SETD1B: variants seen among roughly 807,000 people sequenced by gnomAD.
The protein encoded by SETD1B is SET domain containing 1B, histone lysine methyltransferase.
Under a neutral mutation model 148.0 loss-of-function variants are expected in SETD1B, and 7 were observed. The observed-to-expected ratio is 0.05, with a 90% CI of 0.03 to 0.09. The LOEUF is 0.09. Ranked by LOEUF, SETD1B falls within the 10% of genes least tolerant of loss-of-function variation. SETD1B has a pLI of 1.00. For missense variants in SETD1B, 2,155 were observed against 2,729.9 expected (o/e 0.79, Z 4.69); for synonymous variants, 1,361 against 1,186.5 (o/e 1.15, Z -3.02).
In SETD1B at chr12:121,823,337, T is replaced by TGGCC; in HGVS notation, c.4758_4759insGGCC (p.Pro1587GlyfsTer22). 1.6e-5 allele frequency: 13 copies of TGGCC among 809,384 alleles called. No individual in the cohort carries two copies. The highest frequency in any genetic ancestry group is 2.1e-5 in the Non-Finnish European group (12 of 560,470). The allele number at this position is 809,384 out of a possible 1,614,324, so 50.1% of individuals were successfully genotyped here. Reference sequence around the variant, plus strand: ...GGATCCCAGCCCCTCCACCACCCCTTCCCCCCCAGCCACCCCCACCCCCAC... The same window carrying TGGCC: ...GGATCCCAGCCCCTCCACCACCCCTTGGCCCCCCCCCAGCCACCCCCACCCCCAC... On this transcript the variant is annotated frameshift_variant, in exon 12 of 17. Transcript: ENST00000604567. LOFTEE classifies it high-confidence loss of function.
intron 6 of SETD1B, among the ~76,000 whole-genome samples, chr12:121,811,377 G>T (rs896988659): frequency 3.3e-5 from 5 of 150,782 alleles, no homozygotes; most frequent in African/African-American, 7.3e-5. Context: ...GACAGGGAGG[G>T]TGCTGGTTTC....
Position 121,810,049 on chromosome 12 carries a change from C to T in SETD1B, c.1104C>T (p.Phe368=), listed in dbSNP as rs766891356. ...CTGGGGGCAGCAGCGGTCCCCCGTTCAAGGCTCAACCACAGGATTCAGCCA... is the reference window on the plus strand; with the variant it reads ...CTGGGGGCAGCAGCGGTCCCCCGTTTAAGGCTCAACCACAGGATTCAGCCA... ...GGTGGSSGPP[F]KAQPQDSATF... is the part of the protein sequence containing the mutation. The change falls in exon 6 of 17, where the codon TTC becomes TTT. Residue 368 remains phenylalanine, a synonymous_variant. Transcript: ENST00000604567. The surrounding 1 kb of genome is among the most constrained non-coding windows in gnomAD (Gnocchi z 7.6). 3 of 1,550,282 alleles carry T rather than the reference C, an allele frequency of 1.9e-6. No homozygotes were observed. In the South Asian group the frequency reaches 3.6e-5, roughly 18 times the overall value.
rs1290385779 is a variant in SETD1B, at chr12:121,825,214, T to C, written c.5185T>C (p.Ser1729Pro). Residue 1729 changes from serine to proline, a missense_variant, in exon 13 of 17, where the codon TCA becomes CCA. Ser to Pro is a moderately conservative substitution (Grantham distance 74). Transcript: ENST00000604567. ...CCCACACCCACCCACCAGCCTCTCT[T>C]CAGCTAAGAAGAAGAAACGGGACGA... ...WVYHPSTSLS[S>P]AKKKKRDDGI... is the part of the protein sequence containing the mutation. 3.9e-5 allele frequency: 60 copies of C among 1,551,384 alleles called. No individual in the cohort carries two copies. Among genetic ancestry groups the C allele is most frequent in the Admixed American group, 5.9e-5 (3 of 50,980 alleles).
the SETD1B span, among the ~76,000 whole-genome samples, chr12:121,790,303 G>A: frequency 6.6e-6 from 1 of 152,212 alleles, no homozygotes; most frequent in Non-Finnish European, 1.5e-5. Context: ...TGCCCCTTCC[G>A]CCACTGTGTG....
the SETD1B span, among the ~76,000 whole-genome samples, chr12:121,794,672 G>C: frequency 6.6e-6 from 1 of 152,128 alleles, no homozygotes; most frequent in Non-Finnish European, 1.5e-5. Flanking sequence ...GTGCTATCAG[G>C]GCTGCTGGCT....
In SETD1B at chr12:121,819,761, T is replaced by A. The variant is rs1876479233; in HGVS notation, c.3776T>A (p.Val1259Asp). The A allele has an allele frequency of 2.6e-6, 4 of 1,551,374 alleles. No individual in the cohort carries two copies. Among genetic ancestry groups the A allele is most frequent in the Non-Finnish European group, 2.6e-6 (3 of 1,146,920 alleles). The change falls in exon 11 of 17, where the codon GTT becomes GAT. Residue 1259 changes from valine (V) to aspartate (D), a missense_variant. This residue lies in a region of SETD1B where 862 missense variants were observed against 873.8 expected (regional missense o/e 0.99). Coordinates refer to ENST00000604567, the MANE Select transcript of SETD1B (RefSeq NM_001353345.2). ...GACGAGCCCCCCTTGCCTGTGGGTG[T>A]TGAAGAGCCAGCGGACTCCAGGGAG... Reference protein sequence around the residue: ...MLDEPPLPVGVEEPADSREPP... With the variant: ...MLDEPPLPVGDEEPADSREPP...
In SETD1B at chr12:121,810,736, G is replaced by A; in HGVS notation, c.1791G>A (p.Glu597=). 1 of 1,551,270 alleles carries A rather than the reference G, an allele frequency of 6.4e-7. No individual in the cohort carries two copies. ...DLGLGPRPPP[E]PGPPDPAGLL... ...GCCTTGGGCCTCGGCCTCCACCTGA[G>A]CCAGGCCCCCCGGACCCTGCTGGGC... is the stretch of plus-strand genomic sequence containing the variant. The change falls in exon 6 of 17, where the codon GAG becomes GAA. Residue 597 remains glutamate, a synonymous_variant. Transcript: ENST00000604567. This position sits in a 1 kb window ranked among gnomAD's most constrained non-coding sequence, Gnocchi z 7.6.
intron 11 of SETD1B, among the ~76,000 whole-genome samples, chr12:121,821,070 C>T (rs142650591): frequency 6.6e-6 from 1 of 152,060 alleles, no homozygotes; most frequent in Non-Finnish European, 1.5e-5. Flanking sequence ...AGAACCAATT[C>T]TCTGTGTGTA....
Position 121,830,301 on chromosome 12 carries a change from CT to C in SETD1B, c.*63del. The C allele has an allele frequency of 5.4e-6, 8 of 1,489,806 alleles. No homozygotes were observed. Among genetic ancestry groups the C allele is most frequent in the Non-Finnish European group, 7.2e-6 (8 of 1,111,238 alleles). 92.3% of individuals were successfully genotyped at this position (1,489,806 alleles called of 1,614,324 possible). ...CCTGGGACTCCCGAGCGTGGAGCCC[CT>C]GGCCCCGGGGCCCGGCCCCCCGCGC... is the stretch of plus-strand genomic sequence containing the variant. On this transcript the variant is annotated 3_prime_UTR_variant, in exon 17 of 17. Transcript: ENST00000604567. The surrounding 1 kb of genome is among the most constrained non-coding windows in gnomAD (Gnocchi z 5.7).
intron 13 of SETD1B, among the ~76,000 whole-genome samples, chr12:121,825,601 G>A (rs999738280): frequency 1.3e-4 from 20 of 152,120 alleles, no homozygotes; most frequent in African/African-American, 4.6e-4. Flanking sequence ...GGGATGTGAC[G>A]GAGCTGTATT....
chr12:121,823,293 C>T lies in SETD1B; in HGVS notation c.4714C>T (p.Leu1572=), dbSNP rs1462570813. The T allele has an allele frequency of 1.5e-5, 23 of 1,549,438 alleles. No individual in the cohort carries two copies. The highest frequency in any genetic ancestry group is 2.0e-5 in the Non-Finnish European group (23 of 1,146,742). Residue 1572 remains leucine, a synonymous_variant, in exon 12 of 17, where the codon CTG becomes TTG. Coordinates refer to ENST00000604567, the MANE Select transcript of SETD1B (RefSeq NM_001353345.2). The stretch of plus-strand genomic sequence containing the variant: ...CACCCATGACCCCCGGACGGTGACC[C>T]TGGACTTCCGGAACGCGGGGATCCC... ...PSTHDPRTVT[L]DFRNAGIPAP...
In SETD1B at chr12:121,810,127, G is replaced by A; in HGVS notation, c.1182G>A (p.Lys394=). Residue 394 remains lysine (K), a synonymous_variant, in exon 6 of 17, where the codon AAG becomes AAA. Coordinates refer to ENST00000604567, the MANE Select transcript of SETD1B (RefSeq NM_001353345.2). This position sits in a 1 kb window ranked among gnomAD's most constrained non-coding sequence, Gnocchi z 7.6. The part of the protein sequence containing the change: ...PAQATPAPGF[K]SAFSPYQTPV... ...AAGCAACCCCTGCTCCTGGATTCAA[G>A]TCTGCTTTCTCTCCGTATCAGACCC... The A allele has an allele frequency of 6.5e-7, 1 of 1,550,054 alleles. No individual in the cohort carries two copies. Among genetic ancestry groups the A allele is most frequent in the South Asian group, 1.2e-5 (1 of 84,054 alleles).
At chr12:121,793,616 G>A in the SETD1B span, 2 of 1,545,078 alleles carry the variant, frequency 1.3e-6, no homozygotes, top group South Asian at 2.4e-5. Flanking sequence ...TCTGGGCCAG[G>A]GCCCCGGGGG....
At chr12:121,824,284 AG>A (rs1876731840) in intron 12 of SETD1B, among the ~76,000 whole-genome samples, 1 of 152,218 alleles carries the variant, frequency 6.6e-6, no homozygotes, top group Non-Finnish European at 1.5e-5. Flanking sequence ...CACATAGGCC[AG>A]TGAGGCTAGA....
intron 12 of SETD1B, 42 bp from the exon 13 acceptor site, chr12:121,825,158 G>C (rs1263466887): frequency 1.3e-6 from 2 of 1,544,114 alleles, no homozygotes; most frequent in South Asian, 1.2e-5. Flanking sequence ...GGGACCAGAA[G>C]GGGCTCTCAG....
intron 7 of SETD1B, among the ~76,000 whole-genome samples, chr12:121,815,159 G>A (rs1876230546): frequency 6.6e-6 from 1 of 152,200 alleles, no homozygotes; most frequent in Non-Finnish European, 1.5e-5. Flanking sequence ...AGGCATGGTG[G>A]CGTACACCTT....
rs887522568 is a variant in SETD1B at position 121,831,358 on chromosome 12, C to A, written c.*1119C>A. The A allele has an allele frequency of 6.6e-6, 1 of 151,988 alleles. No individual in the cohort carries two copies. The highest frequency in any genetic ancestry group is 1.5e-5 in the Non-Finnish European group (1 of 68,018). 9.4% of individuals were successfully genotyped at this position (151,988 alleles called of 1,614,324 possible). ...TTACTTCTCCCAGAGAAAGGAAAATCTTGGAAAAGATTTAAAAACACAAAT... is the reference window on the plus strand; with the variant it reads ...TTACTTCTCCCAGAGAAAGGAAAATATTGGAAAAGATTTAAAAACACAAAT... On this transcript the variant is annotated 3_prime_UTR_variant, in exon 17 of 17. Coordinates refer to ENST00000604567, the MANE Select transcript of SETD1B (RefSeq NM_001353345.2).
chr12:121,823,904 G>A (rs889243978), intron 12 of SETD1B, among the ~76,000 whole-genome samples, 155 bp downstream of exon 12: 5 of 152,148 alleles, frequency 3.3e-5, no homozygotes, highest in East Asian at 1.9e-4. Flanking sequence ...TTTGTGTCCC[G>A]GCACCATGCC....
rs1340388991 is a variant in SETD1B at position 121,814,067 on chromosome 12, C to T, written c.1891-39C>T. 6.6e-6 allele frequency: 10 copies of T among 1,512,950 alleles called. No individual in the cohort carries two copies. The Admixed American group carries it at 1.6e-4, about 25-fold the overall frequency. The allele number at this position is 1,512,950 out of a possible 1,614,324, so 93.7% of individuals were successfully genotyped here. On this transcript the variant is annotated intron_variant, in intron 6 of 16. Transcript: ENST00000604567. The stretch of plus-strand genomic sequence containing the variant: ...GGGACTCCGAGAGCCCCTTGGCCTT[C>T]CAGACTCACCTCACTGTCTCTCCCT...
Sources: gnomAD v4.1 joint callset for allele counts (sites outside exome capture counted in the v4.1 genomes callset) on GRCh38, gnomAD v4.1.1 for gene constraint, gnomAD v4.1.1 regional missense constraint, Gnocchi (gnomAD v3.1) non-coding constraint, MANE v1.5 for transcripts, NCBI Gene and HGNC (gene_info 2026-07-23, HGNC 2026-07-21) for gene names.